Variants in SPECC1 observed in about 807,000 individuals in gnomAD.
SPECC1 encodes the protein cytospin-B.
SPECC1 carries 62 observed loss-of-function variants against 104.1 expected under a neutral mutation model. That is an observed-to-expected ratio of 0.60 (90% CI 0.49 to 0.74). The LOEUF is 0.74. SPECC1 is among the 30% of genes least tolerant of loss of function. The pLI is 0.00. For missense variants in SPECC1, 1,306 were observed against 1,310.5 expected, an observed-to-expected ratio of 1.00 and a Z score of 0.05; for synonymous variants, 513 against 501.6, an observed-to-expected ratio of 1.02 and a Z score of -0.30.
intron 3 of SPECC1, among the ~76,000 whole-genome samples, chr17:20,129,833 A>C (rs1203488047): frequency 1.3e-5 from 2 of 152,122 alleles, no homozygotes; most frequent in African/African-American, 4.8e-5. Context: ...GGCTCACTGC[A>C]ACCTCTGCCT....
At chr17:20,099,413 G>T (rs1009669017) in intron 2 of SPECC1, among the ~76,000 whole-genome samples, 2 of 150,654 alleles carry the variant, frequency 1.3e-5, no homozygotes, top group African/African-American at 4.9e-5. Flanking sequence ...GGCCGGGCAG[G>T]GTGGCTTATG....
At chr17:20,179,945 C>G (rs1377443442) in intron 3 of SPECC1, among the ~76,000 whole-genome samples, 1 of 152,146 alleles carries the variant, frequency 6.6e-6, no homozygotes, top group African/African-American at 2.4e-5. Context: ...AATTCTAGAC[C>G]ATCTCAGCAA....
chr17:20,219,937 T>G (rs1405690816), intron 4 of SPECC1, among the ~76,000 whole-genome samples: 3 of 152,196 alleles, frequency 2.0e-5, no homozygotes, highest in Admixed American at 6.5e-5. Flanking sequence ...AGAGACTGTC[T>G]TTTCCTCAAT....
Position 20,176,413 on chromosome 17 carries a change from C to T in SPECC1, c.284-27920C>T, listed in dbSNP as rs556257985. Among the ~76,000 whole-genome samples, 202 of 152,286 alleles carry T rather than the reference C, an allele frequency of 1.3e-3. 1 individual carries two copies. Among genetic ancestry groups the T allele is most frequent in the South Asian group, 0.012 (58 of 4,828 alleles). On this transcript the variant is annotated intron_variant, in intron 3 of 14. Coordinates refer to ENST00000395527, the MANE Select transcript of SPECC1 (RefSeq NM_001243439.2). The stretch of plus-strand genomic sequence containing the variant: ...CAGGTGCTTCTCCCTACTTCCGTGT[C>T]CCTCTCCTTCTCCCACTACCCTTCT...
chr17:20,034,667 G>A (rs960956307), intron 1 of SPECC1, among the ~76,000 whole-genome samples: 1 of 146,332 alleles, frequency 6.8e-6, no homozygotes, highest in African/African-American at 2.6e-5. Context: ...GTGCAATGGT[G>A]TGATCTTGGC....
rs962236114 is a variant in SPECC1, at chr17:20,315,616, C to T, written c.*1551C>T. The T allele has an allele frequency of 4.3e-5, 10 of 232,352 alleles. No homozygotes were observed. The highest frequency in any genetic ancestry group is 2.0e-4 in the African/African-American group (9 of 45,204). The allele number at this position is 232,352 out of a possible 1,614,324, so 14.4% of individuals were successfully genotyped here. A position where few individuals can be genotyped will look rare whatever the true frequency, so the allele number is the denominator to read the frequency against. On this transcript the variant is annotated 3_prime_UTR_variant, in exon 15 of 15. Coordinates refer to ENST00000395527, the MANE Select transcript of SPECC1 (RefSeq NM_001243439.2). ...GTGACTGCCATTACTATTCAAAGTACATCTCTGATTGCTGATCTGAGCCAC... is the reference window on the plus strand; with the variant it reads ...GTGACTGCCATTACTATTCAAAGTATATCTCTGATTGCTGATCTGAGCCAC...
chr17:20,311,684 T>TAAA (rs2041938635), intron 14 of SPECC1, among the ~76,000 whole-genome samples: 1 of 152,168 alleles, frequency 6.6e-6, no homozygotes, highest in Admixed American at 6.5e-5. Context: ...AGTACAGTTT[T>TAAA]AAATAGGACA....
intron 3 of SPECC1, among the ~76,000 whole-genome samples, chr17:20,203,425 A>G (rs1187556543): frequency 6.6e-6 from 1 of 152,248 alleles, no homozygotes; most frequent in African/African-American, 2.4e-5. Flanking sequence ...ACAGATGAAA[A>G]TAAAAGAGAA....
intron 1 of SPECC1, among the ~76,000 whole-genome samples, chr17:20,020,635 CCT>C (rs2044337854): frequency 6.6e-6 from 1 of 152,186 alleles, no homozygotes; most frequent in Admixed American, 6.5e-5. Context: ...CCTGGCCCTC[CCT>C]TTCCTTGGTT....
chr17:20,110,313 T>C, intron 2 of SPECC1, 114 bp from the exon 3 acceptor site: 1 of 1,272,690 alleles, frequency 7.9e-7, no homozygotes, highest in Non-Finnish European at 1.1e-6. Context: ...CAAAGTGCTG[T>C]TATTGTATCT....
intron 3 of SPECC1, among the ~76,000 whole-genome samples, chr17:20,185,507 G>A (rs1034969112): frequency 5.9e-5 from 9 of 152,212 alleles, no homozygotes; most frequent in African/African-American, 2.2e-4. Context: ...GGTTTCGGAT[G>A]GCAGGAGCCA....
chr17:20,188,256 C>CTTTTTTT (rs67659304), intron 3 of SPECC1, among the ~76,000 whole-genome samples: 2 of 145,918 alleles, frequency 1.4e-5, no homozygotes. Flanking sequence ...AAAAGACATC[C>CTTTTTTT]TTTTTTTTTT....
intron 7 of SPECC1, chr17:20,236,777 G>A (rs2038939476): frequency 6.3e-7 from 1 of 1,575,376 alleles, no homozygotes; most frequent in African/African-American, 1.4e-5. Context: ...GTGTAAGCTG[G>A]AAATTCTTGC....
intron 3 of SPECC1, among the ~76,000 whole-genome samples, chr17:20,196,205 C>A (rs1047963686): frequency 6.6e-6 from 1 of 152,234 alleles, no homozygotes; most frequent in Admixed American, 6.5e-5. Context: ...ATTCTACTTT[C>A]CTTACACACC....
chr17:20,039,635 A>G (rs1408691803), intron 1 of SPECC1, among the ~76,000 whole-genome samples: 2 of 151,920 alleles, frequency 1.3e-5, no homozygotes, highest in African/African-American at 2.4e-5. Context: ...GCCCACTGCT[A>G]CCTCTGCTGC....
At chr17:20,250,520 T>A (rs912764977) in intron 9 of SPECC1, among the ~76,000 whole-genome samples, 2 of 152,148 alleles carry the variant, frequency 1.3e-5, no homozygotes, top group Non-Finnish European at 2.9e-5. Flanking sequence ...GATGAAATGG[T>A]CAAAATCTTA....
Position 20,205,442 on chromosome 17 carries a change from G to C in SPECC1, c.1393G>C (p.Glu465Gln), listed in dbSNP as rs2036714090. 2 of 1,613,954 alleles carry C rather than the reference G, an allele frequency of 1.2e-6. No individual in the cohort carries two copies. Among genetic ancestry groups the C allele is most frequent in the Non-Finnish European group, 1.7e-6 (2 of 1,180,042 alleles). The change falls in exon 4 of 15, where the codon GAA (glutamate) becomes CAA (glutamine). Residue 465 changes from glutamate (E) to glutamine (Q), a missense_variant. By Grantham distance (29) the Glu-to-Gln change is conservative. Around this residue, in one of 2 missense-constraint regions of SPECC1, gnomAD observed 1,177 missense variants for 1,139.9 expected, o/e 1.03. Transcript: ENST00000395527. ...CACCACTCAGGAAGGAAAAATTATT[G>C]AACTGGAGCAGAAGTGCACAGGTAT... ...EPTTQEGKII[E>Q]LEQKCTGILE...
intron 3 of SPECC1, chr17:20,156,072 C>T (rs1160345393): frequency 3.8e-6 from 5 of 1,322,418 alleles, no homozygotes; most frequent in Middle Eastern, 2.8e-4. Flanking sequence ...GGCGCCCGGT[C>T]CTTTCTTTGA....
chr17:20,135,839 A>G (rs1045566557), intron 3 of SPECC1, among the ~76,000 whole-genome samples: 2 of 152,206 alleles, frequency 1.3e-5, no homozygotes, highest in African/African-American at 4.8e-5. Flanking sequence ...CACGTAGTCA[A>G]TGCAGTAATG....
Sources: gnomAD v4.1 joint callset for allele counts (sites outside exome capture counted in the v4.1 genomes callset) on GRCh38, gnomAD v4.1.1 for gene constraint, gnomAD v4.1.1 regional missense constraint, MANE v1.5 for transcripts, NCBI Gene and HGNC (gene_info 2026-07-23, HGNC 2026-07-21) for gene names.